GPC6: variants seen among roughly 807,000 people sequenced by gnomAD.
GPC6 encodes glypican 6.
In GPC6, 14 loss-of-function variants were observed where a neutral mutation model predicts 55.2. That is an observed-to-expected ratio of 0.25 (90% CI 0.17 to 0.40). GPC6 has a LOEUF of 0.40. GPC6 is among the 10% of genes least tolerant of loss of function. The probability of loss-of-function intolerance (pLI) is 1.00; values close to 1 mark genes in which losing one functional copy is unlikely to be tolerated. For missense variants in GPC6, 641 were observed against 708.5 expected (o/e 0.90, Z 1.08); for synonymous variants, 278 against 259.6 (o/e 1.07, Z -0.68).
intron 4 of GPC6, among the ~76,000 whole-genome samples, chr13:94,144,706 T>A (rs1887501503): frequency 6.6e-6 from 1 of 152,132 alleles, no homozygotes; most frequent in South Asian, 2.1e-4. Context: ...TTTGTTCTTT[T>A]ATTCCTAAAT....
chr13:93,231,361 G>GTATATA (rs1229841914), intron 1 of GPC6, among the ~76,000 whole-genome samples: 13 of 86,206 alleles, frequency 1.5e-4, no homozygotes, highest in African/African-American at 3.3e-4. Context: ...ATATATATAC[G>GTATATA]TATATATATA....
chr13:93,905,255 C>A (rs1876601450), intron 3 of GPC6, among the ~76,000 whole-genome samples: 1 of 152,008 alleles, frequency 6.6e-6, no homozygotes, highest in African/African-American at 2.4e-5. Context: ...CAAATCATAG[C>A]TTTGTCTCTT....
At chr13:93,906,023 G>A (rs1876645246) in intron 3 of GPC6, among the ~76,000 whole-genome samples, 2 of 152,116 alleles carry the variant, frequency 1.3e-5, no homozygotes. Context: ...TCTTAGGTTG[G>A]AGGCAACAGA....
intron 1 of GPC6, among the ~76,000 whole-genome samples, chr13:93,325,445 A>G (rs993362051): frequency 3.3e-5 from 5 of 152,176 alleles, no homozygotes; most frequent in African/African-American, 1.2e-4. Flanking sequence ...TGGGTAGCTT[A>G]TACTCAGTAA....
intron 1 of GPC6, among the ~76,000 whole-genome samples, chr13:93,475,973 T>C (rs1249729168): frequency 6.6e-6 from 1 of 152,126 alleles, no homozygotes; most frequent in South Asian, 2.1e-4. Context: ...TTTTTTTTTT[T>C]ATGAGAGAGT....
intron 6 of GPC6, 108 bp from the exon 7 acceptor site, chr13:94,382,305 CT>C (rs1455492063): frequency 8.7e-7 from 1 of 1,150,826 alleles, no homozygotes; most frequent in East Asian, 2.4e-5. Flanking sequence ...TAAAGAGTTC[CT>C]GCTGGTCATA....
intron 2 of GPC6, among the ~76,000 whole-genome samples, chr13:93,549,629 T>G (rs1401246805): frequency 3.3e-5 from 5 of 152,156 alleles, no homozygotes; most frequent in Non-Finnish European, 5.9e-5. Context: ...TGCTTTCCAG[T>G]TCCCAGATGT....
Position 94,395,803 on chromosome 13 carries a change from G to A in GPC6, c.1290-2663G>A, listed in dbSNP as rs543148240. Among the ~76,000 whole-genome samples, 25 of 152,350 alleles carry A rather than the reference G, an allele frequency of 1.6e-4. 1 individual carries two copies. In the South Asian group the frequency reaches 5.0e-3, roughly 30 times the overall value. ...ATAACAGTAATGGCAATTAGGTAGG[G>A]CTGTCCCAGGCCTGTAGAGGGCCAG... is the stretch of plus-strand genomic sequence containing the variant. On this transcript the variant is annotated intron_variant, in intron 7 of 8. Transcript: ENST00000377047.
rs141653680 is a variant in GPC6, at chr13:94,072,359, G to C, written c.877+44465G>C. Among the ~76,000 whole-genome samples, 11 of 151,962 alleles carry C rather than the reference G, an allele frequency of 7.2e-5. No individual in the cohort carries two copies. The East Asian group carries it at 2.1e-3, about 30-fold the overall frequency. On this transcript the variant is annotated intron_variant, in intron 4 of 8. Transcript: ENST00000377047. ...AAGCCCCTTGTTTTTTTGTTTGCCT[G>C]TTTGTTTGTTTTTGAGACAGAGTCT... is the stretch of plus-strand genomic sequence containing the variant.
chr13:94,247,636 T>G (rs1891235425), intron 4 of GPC6, among the ~76,000 whole-genome samples: 1 of 152,168 alleles, frequency 6.6e-6, no homozygotes, highest in Non-Finnish European at 1.5e-5. Context: ...AGTCTGTTAA[T>G]GCAATGTATA....
intron 1 of GPC6, chr13:93,395,253 C>T (rs1207559979): frequency 4.4e-6 from 2 of 455,822 alleles, no homozygotes; most frequent in Non-Finnish European, 8.3e-6. Context: ...CTTGCACAAC[C>T]ACCACTAAAG....
chr13:94,097,804 C>G (rs1458337733), intron 4 of GPC6, among the ~76,000 whole-genome samples: 2 of 152,176 alleles, frequency 1.3e-5, no homozygotes, highest in Admixed American at 1.3e-4. Context: ...CAAATTTGCA[C>G]TAAATTCTCT....
intron 1 of GPC6, among the ~76,000 whole-genome samples, chr13:93,474,731 A>G (rs1439533409): frequency 1.3e-5 from 2 of 152,208 alleles, no homozygotes; most frequent in Non-Finnish European, 2.9e-5. Context: ...TGGTCCTTGC[A>G]GTCTGTCCGG....
At chr13:93,589,281 A>G (rs200520223) in intron 2 of GPC6, among the ~76,000 whole-genome samples, 1 of 138,954 alleles carries the variant, frequency 7.2e-6, no homozygotes, top group Non-Finnish European at 1.6e-5. Context: ...CTCAAAAAAA[A>G]TTTTCAAACA....
intron 3 of GPC6, among the ~76,000 whole-genome samples, chr13:93,888,128 G>A (rs1875455536): frequency 6.6e-6 from 1 of 152,224 alleles, no homozygotes; most frequent in South Asian, 2.1e-4. Flanking sequence ...TTCAAAATCT[G>A]TTAAACAGGT....
At chr13:94,304,248 C>G (rs776216784) in intron 5 of GPC6, among the ~76,000 whole-genome samples, 5 of 152,118 alleles carry the variant, frequency 3.3e-5, no homozygotes, top group Non-Finnish European at 7.4e-5. Context: ...GACAAAGTAC[C>G]GCCGCTCTGC....
intron 4 of GPC6, among the ~76,000 whole-genome samples, chr13:94,165,207 G>A (rs559831488): frequency 1.3e-3 from 188 of 147,754 alleles, no homozygotes; most frequent in South Asian, 7.7e-3. Flanking sequence ...GTGTGTGTGT[G>A]TATATATATA....
intron 3 of GPC6, 84 bp downstream of exon 3, chr13:93,830,629 AAAAAAAAAAC>A: frequency 8.1e-7 from 1 of 1,233,816 alleles, no homozygotes; most frequent in Non-Finnish European, 1.1e-6. Context: ...AAAAAAAAAA[AAAAAAAAAAC>A]CAAGGTAAAA....
chr13:94,010,681 A>T (rs1309708983), intron 3 of GPC6, among the ~76,000 whole-genome samples: 2 of 152,158 alleles, frequency 1.3e-5, no homozygotes, highest in African/African-American at 4.8e-5. Flanking sequence ...TTCGTAAATT[A>T]TATTTTTTAG....
Sources: allele counts gnomAD v4.1 joint callset (sites outside exome capture counted in the v4.1 genomes callset), GRCh38; gene constraint gnomAD v4.1.1; transcripts MANE v1.5; gene names NCBI Gene and HGNC (gene_info 2026-07-23, HGNC 2026-07-21).